Variants in CFHR5 observed in about 807,000 individuals in gnomAD.
CFHR5 encodes complement factor H-related protein 5.
CFHR5 carries 73 observed loss-of-function variants against 62.9 expected under a neutral mutation model. That is an observed-to-expected ratio of 1.16 (90% CI 0.96 to 1.41). CFHR5 has a LOEUF of 1.41. Among genes scored for constraint, CFHR5 ranks in the 40% most tolerant of loss-of-function variants. The pLI, the probability that CFHR5 is intolerant of heterozygous loss-of-function variation, is 0.00. For synonymous variants in CFHR5, 249 were observed against 227.2 expected, an observed-to-expected ratio of 1.10 and a Z score of -0.86; for missense variants, 779 against 679.9, an observed-to-expected ratio of 1.15 and a Z score of -1.62.
chr1:196,990,586 C>T (rs1484448236), intron 3 of CFHR5, among the ~76,000 whole-genome samples: 1 of 152,134 alleles, frequency 6.6e-6, no homozygotes, highest in African/African-American at 2.4e-5. Flanking sequence ...AATCTCTCAG[C>T]ATTTGCTTGT....
intron 3 of CFHR5, among the ~76,000 whole-genome samples, chr1:196,985,411 C>G (rs1653657261): frequency 6.6e-6 from 1 of 151,810 alleles, no homozygotes. Flanking sequence ...TTTAAAACAG[C>G]TGGAACTGCG....
At chr1:196,976,120 A>G (rs1653390060), upstream of CFHR5, among the ~76,000 whole-genome samples, 1 of 152,192 alleles carries the variant, frequency 6.6e-6, no homozygotes, top group Non-Finnish European at 1.5e-5. Context: ...ATTGGAAATG[A>G]CAAGGTTTAG....
upstream of CFHR5, among the ~76,000 whole-genome samples, chr1:196,976,965 T>C (rs138826400): frequency 0.013 from 2,037 of 151,716 alleles, 36 homozygotes; most frequent in African/African-American, 0.044. Context: ...CCACCACGCC[T>C]GGCTAAATTT....
In CFHR5 at chr1:197,009,119, C is replaced by CG. The variant is rs1006169245; in HGVS notation, c.*441dup. The CG allele has an allele frequency of 3.0e-4, 43 of 141,230 alleles. No homozygotes were observed. Among genetic ancestry groups the CG allele is most frequent in the Admixed American group, 1.2e-3 (16 of 13,354 alleles). 8.7% of individuals were successfully genotyped at this position (141,230 alleles called of 1,614,324 possible). A position where few individuals can be genotyped will look rare whatever the true frequency, so the allele number is the denominator to read the frequency against. Reference sequence around the variant, plus strand: ...AAAAAGAGAGAGAGAGACAGAGTGGCGGGGGCGGGGAGGAGCGCAAACTCA... The same window carrying CG: ...AAAAAGAGAGAGAGAGACAGAGTGGCGGGGGGCGGGGAGGAGCGCAAACTCA... On this transcript the variant is annotated 3_prime_UTR_variant, in exon 10 of 10. Coordinates refer to ENST00000256785, the MANE Select transcript of CFHR5 (RefSeq NM_030787.4).
At chr1:196,976,962 G>A (rs968008316), upstream of CFHR5, among the ~76,000 whole-genome samples, 13 of 151,540 alleles carry the variant, frequency 8.6e-5, no homozygotes, top group African/African-American at 3.1e-4. Context: ...CCGCCACCAC[G>A]CCTGGCTAAA....
intron 1 of CFHR5, 75 bp from the exon 2 acceptor site, chr1:196,982,810 T>A (rs191294249): frequency 3.1e-5 from 43 of 1,377,864 alleles, no homozygotes; most frequent in Non-Finnish European, 4.1e-5. Context: ...ATAAATGAGA[T>A]GACTAAAATA....
At chr1:196,979,240 A>T (rs1030084140) in intron 1 of CFHR5, among the ~76,000 whole-genome samples, 11 of 142,722 alleles carry the variant, frequency 7.7e-5, no homozygotes, top group Admixed American at 2.9e-4. Context: ...GCAAGGTTTT[A>T]TATATAGGTA....
chr1:196,995,749 C>T lies in CFHR5; in HGVS notation c.640C>T (p.Leu214Phe). The T allele has an allele frequency of 6.2e-7, 1 of 1,613,334 alleles. No individual in the cohort carries two copies. Among genetic ancestry groups the T allele is most frequent in the Non-Finnish European group, 8.5e-7 (1 of 1,179,404 alleles). ...ACGATCATGTGGTCCACCTCCTCAA[C>T]TCTCCAATGGTGAAGTTAAGGAGAT... The part of the protein sequence containing the change: ...QVRSCGPPPQ[L>F]SNGEVKEIRK... Residue 214 changes from leucine (L) to phenylalanine (F), a missense_variant, in exon 5 of 10, where the codon CTC becomes TTC. By Grantham distance (22) the Leu-to-Phe change is conservative. Coordinates refer to ENST00000256785, the MANE Select transcript of CFHR5 (RefSeq NM_030787.4).
Position 196,995,769 on chromosome 1 carries a change from G to A in CFHR5, c.660G>A (p.Lys220=), listed in dbSNP as rs756165621. 1.9e-6 allele frequency: 3 copies of A among 1,613,412 alleles called. No individual in the cohort carries two copies. The highest frequency in any genetic ancestry group is 1.7e-6 in the Non-Finnish European group (2 of 1,179,488). Residue 220 remains lysine (K), a synonymous_variant, in exon 5 of 10, where the codon AAG becomes AAA. Transcript: ENST00000256785. The part of the protein sequence containing the change: ...PPPQLSNGEV[K]EIRKEEYGHN... ...CTCAACTCTCCAATGGTGAAGTTAA[G>A]GAGATAAGAAAAGAGGAATATGGAC... is the stretch of plus-strand genomic sequence containing the variant.
chr1:196,988,860 G>A (rs748623970), intron 3 of CFHR5, among the ~76,000 whole-genome samples: 1 of 152,032 alleles, frequency 6.6e-6, no homozygotes, highest in African/African-American at 2.4e-5. Context: ...GCCAGTCTTT[G>A]GTACCAGGAT....
intron 8 of CFHR5, among the ~76,000 whole-genome samples, chr1:197,003,120 C>T (rs185882366): frequency 6.6e-6 from 1 of 152,210 alleles, no homozygotes; most frequent in African/African-American, 2.4e-5. Flanking sequence ...GATGAAACTC[C>T]TGTGCCTCAG....
Position 196,989,521 on chromosome 1 carries a change from C to G in CFHR5, c.431-4559C>G, listed in dbSNP as rs191281603. Among the ~76,000 whole-genome samples the G allele has an allele frequency of 4.6e-3, 696 of 152,194 alleles. 4 individuals are homozygous for G. The highest frequency in any genetic ancestry group is 7.6e-3 in the Admixed American group (116 of 15,298). ...TGTGGTCATTTAGTACTATAAATTTCCCTCTACACACTGCTTTAAATGTGT... is the reference window on the plus strand; with the variant it reads ...TGTGGTCATTTAGTACTATAAATTTGCCTCTACACACTGCTTTAAATGTGT... On this transcript the variant is annotated intron_variant, in intron 3 of 9. Coordinates refer to ENST00000256785, the MANE Select transcript of CFHR5 (RefSeq NM_030787.4).
upstream of CFHR5, among the ~76,000 whole-genome samples, chr1:196,976,956 C>T (rs147174011): frequency 0.011 from 1,644 of 151,850 alleles, 24 homozygotes; most frequent in African/African-American, 0.035. Flanking sequence ...AGGCGCCCGC[C>T]ACCACGCCTG....
intron 3 of CFHR5, among the ~76,000 whole-genome samples, chr1:196,991,292 C>T (rs1653842172): frequency 6.6e-6 from 1 of 152,040 alleles, no homozygotes; most frequent in Non-Finnish European, 1.5e-5. Flanking sequence ...TTTTAGCTTC[C>T]TTGCGATGGG....
intron 3 of CFHR5, among the ~76,000 whole-genome samples, chr1:196,988,775 A>G (rs1653762316): frequency 6.6e-6 from 1 of 152,090 alleles, no homozygotes; most frequent in East Asian, 1.9e-4. Context: ...GTTTGCCAGT[A>G]TTTTATTGAG....
chr1:197,004,509 A>G (rs1459002441), intron 8 of CFHR5, 152 bp from the exon 9 acceptor site: 8 of 667,638 alleles, frequency 1.2e-5, no homozygotes, highest in African/African-American at 5.5e-5. Context: ...AGGAGCTACA[A>G]TATGTTTTGA....
intron 9 of CFHR5, 123 bp downstream of exon 9, chr1:197,004,966 T>A: frequency 1.3e-6 from 1 of 779,158 alleles, no homozygotes; most frequent in Non-Finnish European, 2.1e-6. Context: ...CTGTCAAATG[T>A]AAATACATAC....
intron 8 of CFHR5, 41 bp from the exon 9 acceptor site, chr1:197,004,620 A>C (rs769170880): frequency 1.3e-6 from 2 of 1,501,844 alleles, no homozygotes; most frequent in South Asian, 2.3e-5. Context: ...TATTTTGTTT[A>C]AACTAACATA....
chr1:197,005,468 A>T (rs1281120145), intron 9 of CFHR5, among the ~76,000 whole-genome samples: 1 of 152,206 alleles, frequency 6.6e-6, no homozygotes, highest in Non-Finnish European at 1.5e-5. Context: ...GCATTAAAAA[A>T]ATTAACATCG....
Sources: allele counts gnomAD v4.1 joint callset (sites outside exome capture counted in the v4.1 genomes callset), GRCh38; gene constraint gnomAD v4.1.1; transcripts MANE v1.5; gene names NCBI Gene and HGNC (gene_info 2026-07-23, HGNC 2026-07-21).